The following SMTN variants were observed in gnomAD, a reference collection of about 807,000 sequenced individuals.
SMTN encodes smoothelin.
A neutral mutation model predicts 102.0 loss-of-function variants in SMTN; 58 were observed. The observed-to-expected ratio is 0.57, with a 90% CI of 0.46 to 0.71. The LOEUF (loss-of-function observed/expected upper bound fraction) is 0.71. SMTN is among the 30% of genes least tolerant of loss of function. The pLI is 0.00. For missense variants in SMTN, 1,185 were observed against 1,241.7 expected (o/e 0.95, Z 0.69); for synonymous variants, 478 against 497.9 (o/e 0.96, Z 0.53).
intron 11 of SMTN, chr22:31,093,764 A>C: frequency 6.3e-7 from 1 of 1,586,360 alleles, no homozygotes; most frequent in Non-Finnish European, 8.6e-7. Flanking sequence ...GCTGCCGCCG[A>C]CCCCGAGGCC....
intron 13 of SMTN, chr22:31,096,247 T>C (rs1020065014): frequency 6.2e-6 from 1 of 161,800 alleles, no homozygotes; most frequent in African/African-American, 2.4e-5. Context: ...TCCCAGCTAC[T>C]CTTCCCCTGG....
At chr22:31,086,141 C>G (rs909909678) in intron 2 of SMTN, among the ~76,000 whole-genome samples, 1 of 152,314 alleles carries the variant, frequency 6.6e-6, no homozygotes, top group Admixed American at 6.5e-5. Context: ...CTCATTCCCC[C>G]CGCCTCTGCT....
chr22:31,071,954 C>G (rs1406055326), intron 1 of SMTN, among the ~76,000 whole-genome samples: 1 of 152,130 alleles, frequency 6.6e-6, no homozygotes, highest in Non-Finnish European at 1.5e-5. Flanking sequence ...CCTCAGCCCC[C>G]CAAAGTGCTG....
chr22:31,075,538 A>G (rs373186452), intron 1 of SMTN, among the ~76,000 whole-genome samples: 3 of 152,068 alleles, frequency 2.0e-5, no homozygotes, highest in Non-Finnish European at 4.4e-5. Context: ...AAAATTAGCC[A>G]GGCGTGGTGA....
Position 31,091,780 on chromosome 22 carries a change from G to C in SMTN, c.1565G>C (p.Gly522Ala). ...VNSPGTLARL[G>A]SVTHVTSFSH... ...AGCCCTGGGACCCTGGCTCGGCTGG[G>C]CAGTGTCACTCATGTCACCAGCTTC... Residue 522 changes from glycine (G) to alanine (A), a missense_variant, in exon 11 of 21, where the codon GGC becomes GCC. Coordinates refer to ENST00000333137, the MANE Select transcript of SMTN (RefSeq NM_134269.3). The C allele has an allele frequency of 1.9e-6, 3 of 1,609,858 alleles. No homozygotes were observed. The highest frequency in any genetic ancestry group is 2.5e-6 in the Non-Finnish European group (3 of 1,178,080).
At chr22:31,065,340 A>G (rs770187657) in intron 1 of SMTN, 6 of 152,044 alleles carry the variant, frequency 3.9e-5, no homozygotes, top group Non-Finnish European at 8.8e-5. Context: ...ATTTCTTGAC[A>G]TTTACGGTAT....
Position 31,097,715 on chromosome 22 carries a change from G to GATAGATAAATAAATAA in SMTN, c.2159+380_2159+381insGATAAATAAATAAATA, listed in dbSNP as rs377645962. Among the ~76,000 whole-genome samples the GATAGATAAATAAATAA allele has an allele frequency of 2.2e-4, 32 of 145,894 alleles. 1 individual carries two copies. Among genetic ancestry groups the GATAGATAAATAAATAA allele is most frequent in the African/African-American group, 8.3e-4 (32 of 38,730 alleles). On this transcript the variant is annotated intron_variant, in intron 16 of 20. Transcript: ENST00000333137. Reference sequence around the variant, plus strand: ...CGAGACTCAGTCTCAAAAATAAATAGATAAATAAATAAATAAATAAATAAA... The same window carrying GATAGATAAATAAATAA: ...CGAGACTCAGTCTCAAAAATAAATAGATAGATAAATAAATAAATAAATAAATAAATAAATAAATAAA...
intron 20 of SMTN, chr22:31,103,146 G>C (rs886624616): frequency 3.9e-5 from 6 of 152,210 alleles, no homozygotes; most frequent in Non-Finnish European, 7.3e-5. Flanking sequence ...AGGTGAGCTG[G>C]GGGTAGGCCC....
chr22:31,092,258 C>A (rs1041964675), intron 11 of SMTN, among the ~76,000 whole-genome samples: 1 of 152,176 alleles, frequency 6.6e-6, no homozygotes, highest in Non-Finnish European at 1.5e-5. Context: ...AGGTATAGAG[C>A]AGCTCATCTG....
intron 2 of SMTN, 105 bp from the exon 3 acceptor site, chr22:31,087,859 GA>G: frequency 8.0e-7 from 1 of 1,244,834 alleles, no homozygotes; most frequent in Non-Finnish European, 1.1e-6. Context: ...GGGACACAGG[GA>G]GTGGACACAG....
intron 11 of SMTN, chr22:31,093,603 C>T (rs1171192595): frequency 6.6e-6 from 5 of 756,396 alleles, no homozygotes; most frequent in Non-Finnish European, 1.2e-5. Flanking sequence ...AGCCGGTGGC[C>T]CGGGCAGCTG....
Position 31,090,895 on chromosome 22 carries a change from A to G in SMTN, c.937+16A>G. On this transcript the variant is annotated intron_variant, in intron 9 of 20. Transcript: ENST00000333137. ...CAGAACCGAGGTACTACCTATTCTCACCCTGCCTAGGATCTGTGCAGACCC... is the reference window on the plus strand; with the variant it reads ...CAGAACCGAGGTACTACCTATTCTCGCCCTGCCTAGGATCTGTGCAGACCC... 3 of 1,613,402 alleles carry G rather than the reference A, an allele frequency of 1.9e-6. No individual in the cohort carries two copies. The highest frequency in any genetic ancestry group is 2.5e-6 in the Non-Finnish European group (3 of 1,179,674).
At position 31,097,052 on chromosome 22, in the gene SMTN, G is replaced by C. The variant is rs749647879; in HGVS notation, c.2081G>C (p.Arg694Pro). The C allele has an allele frequency of 6.2e-7, 1 of 1,613,986 alleles. No individual in the cohort carries two copies. The highest frequency in any genetic ancestry group is 8.5e-7 in the Non-Finnish European group (1 of 1,179,950). Residue 694 changes from arginine to proline, a missense_variant, in exon 15 of 21, where the codon CGC becomes CCC. Around this residue, in one of 2 missense-constraint regions of SMTN, gnomAD observed 1,096 missense variants for 1,112.7 expected, o/e 0.98. Transcript: ENST00000333137. ...ACAGTGGAGTCGAGTTTCGTGAGGC[G>C]CTCGGAGAGTAAGGCCACCTGGTGT... Reference protein sequence around the residue: ...TTTVESSFVRRSENGSGSTMM... With the variant: ...TTTVESSFVRPSENGSGSTMM...
At chr22:31,082,125 G>A (rs2042348213) in intron 1 of SMTN, 1 of 187,508 alleles carries the variant, frequency 5.3e-6, no homozygotes, top group Admixed American at 5.5e-5. Context: ...AGAGAGGGAA[G>A]GGATGATTGA....
intron 13 of SMTN, 139 bp from the exon 14 acceptor site, chr22:31,096,594 G>A (rs2043593552): frequency 2.4e-6 from 2 of 839,080 alleles, no homozygotes; most frequent in African/African-American, 3.4e-5. Flanking sequence ...TGCTCCTAGA[G>A]AGGCCCTTGT....
intron 1 of SMTN, chr22:31,082,595 G>A (rs1351569745): frequency 3.6e-6 from 2 of 557,980 alleles, no homozygotes; most frequent in Admixed American, 2.2e-5. Flanking sequence ...GTATGAATTG[G>A]CAGGAGGTGC....
In SMTN at chr22:31,090,034, G is replaced by A; in HGVS notation, c.792+15G>A. On this transcript the variant is annotated intron_variant, in intron 7 of 20. Transcript: ENST00000333137. ...TGGTCAACAAGGTGAGTCTGGATGA[G>A]GGGCAGGGATGCCAGGCAAGTGAGC... 1 of 1,610,094 alleles carries A rather than the reference G, an allele frequency of 6.2e-7. No homozygotes were observed. Among genetic ancestry groups the A allele is most frequent in the South Asian group, 1.1e-5 (1 of 90,790 alleles).
intron 1 of SMTN, chr22:31,065,375 A>T (rs552517762): frequency 7.2e-5 from 11 of 151,932 alleles, no homozygotes; most frequent in Non-Finnish European, 1.3e-4. Flanking sequence ...TTGAAATGAA[A>T]TCTCCTTCTG....
chr22:31,089,801 C>A lies in SMTN; in HGVS notation c.574C>A (p.Arg192=), dbSNP rs2042977400. 6.2e-7 allele frequency: 1 copy of A among 1,613,516 alleles called. No homozygotes were observed. Among genetic ancestry groups the A allele is most frequent in the South Asian group, 1.1e-5 (1 of 91,086 alleles). The change falls in exon 7 of 21, where the codon CGA becomes AGA. Residue 192 remains arginine (R), a synonymous_variant. Transcript: ENST00000333137. Reference sequence around the variant, plus strand: ...TGTGACCACAGTGACACTCCTGCTGCGAGCCCCACCTGGGAGCACATCCAG... The same window carrying A: ...TGTGACCACAGTGACACTCCTGCTGAGAGCCCCACCTGGGAGCACATCCAG... ...QDVTTVTLLL[R]APPGSTSSSP... is the part of the protein sequence containing the mutation.
Sources: gnomAD v4.1 joint callset for allele counts (sites outside exome capture counted in the v4.1 genomes callset) on GRCh38, gnomAD v4.1.1 for gene constraint, gnomAD v4.1.1 regional missense constraint, MANE v1.5 for transcripts, NCBI Gene and HGNC (gene_info 2026-07-23, HGNC 2026-07-21) for gene names.